Variants in PTPRD observed in about 807,000 individuals in gnomAD.
The protein encoded by PTPRD is receptor-type tyrosine-protein phosphatase delta.
PTPRD carries 34 observed loss-of-function variants against 214.5 expected under a neutral mutation model. That is an observed-to-expected ratio of 0.16 (90% CI 0.12 to 0.21). The LOEUF is 0.21. PTPRD is among the 10% of genes least tolerant of loss of function. The pLI is 1.00. For synonymous variants in PTPRD, 1,128 were observed against 845.7 expected (o/e 1.33, Z -5.79); for missense variants, 2,545 against 2,398.7 (o/e 1.06, Z -1.27).
chr9:10,448,408 G>A (rs1005592958), intron 2 of PTPRD, among the ~76,000 whole-genome samples: 1 of 151,846 alleles, frequency 6.6e-6, no homozygotes, highest in African/African-American at 2.4e-5. Context: ...GGCTCCAATG[G>A]CTCCTGCCCT....
chr9:10,274,357 A>T (rs1313421177), intron 3 of PTPRD, among the ~76,000 whole-genome samples: 9 of 152,188 alleles, frequency 5.9e-5, no homozygotes, highest in Non-Finnish European at 1.2e-4. Context: ...GCAGTTGGAC[A>T]CTAACCAGAA....
Position 10,405,938 on chromosome 9 carries a change from T to G in PTPRD, c.-599-64921A>C, listed in dbSNP as rs996151304. Among the ~76,000 whole-genome samples the G allele has an allele frequency of 9.9e-5, 15 of 151,554 alleles. 1 individual carries two copies. The highest frequency in any genetic ancestry group is 5.9e-4 in the Admixed American group (9 of 15,148). Reference sequence around the variant, plus strand: ...TCAAGTGTTGAGTTCTACAGCATATTAATGCTCTTAAACTATATCAATGTA... The same window carrying G: ...TCAAGTGTTGAGTTCTACAGCATATGAATGCTCTTAAACTATATCAATGTA... On this transcript the variant is annotated intron_variant, in intron 2 of 45. Transcript: ENST00000381196.
chr9:9,279,752 C>T (rs1569567024), intron 9 of PTPRD, among the ~76,000 whole-genome samples: 1 of 150,980 alleles, frequency 6.6e-6, no homozygotes, highest in East Asian at 2.0e-4. Context: ...GGAGTAACTA[C>T]AAATAAGAGC....
At chr9:8,714,486 C>A (rs1483533038) in intron 12 of PTPRD, among the ~76,000 whole-genome samples, 2 of 152,134 alleles carry the variant, frequency 1.3e-5, no homozygotes, top group Non-Finnish European at 2.9e-5. Context: ...GGAAGCCTGA[C>A]CTCCAGATAG....
intron 7 of PTPRD, among the ~76,000 whole-genome samples, chr9:9,593,204 T>G (rs534939494): frequency 4.6e-4 from 70 of 151,840 alleles, no homozygotes; most frequent in African/African-American, 1.7e-3. Flanking sequence ...TTGTTTTTTT[T>G]TTGTTTTTGT....
At chr9:8,921,022 C>T (rs1263364475) in intron 11 of PTPRD, among the ~76,000 whole-genome samples, 1 of 152,164 alleles carries the variant, frequency 6.6e-6, no homozygotes, top group East Asian at 1.9e-4. Context: ...CCATGTTGGC[C>T]AGGCTGGTCT....
chr9:10,103,426 A>T (rs72694857), intron 3 of PTPRD, among the ~76,000 whole-genome samples: 7,163 of 127,968 alleles, frequency 0.056, 255 homozygotes, highest in Admixed American at 0.12. Flanking sequence ...AGAAAACTTT[A>T]AAAATGAATA....
At chr9:10,393,663 G>A (rs1439421906) in intron 2 of PTPRD, among the ~76,000 whole-genome samples, 2 of 146,376 alleles carry the variant, frequency 1.4e-5, no homozygotes, top group Admixed American at 6.9e-5. Context: ...GAGAGAGAGA[G>A]AGAGACACTC....
At chr9:10,037,591 A>T (rs2097209270) in intron 3 of PTPRD, among the ~76,000 whole-genome samples, 1 of 151,930 alleles carries the variant, frequency 6.6e-6, no homozygotes, top group African/African-American at 2.4e-5. Flanking sequence ...AAAAAAAAAA[A>T]AAAAAAAACA....
intron 3 of PTPRD, among the ~76,000 whole-genome samples, chr9:10,056,451 A>C: frequency 6.6e-6 from 1 of 152,136 alleles, no homozygotes; most frequent in Non-Finnish European, 1.5e-5. Context: ...AAAGAAAAAA[A>C]AAAACTATTG....
At chr9:9,912,001 T>G (rs897908279) in intron 5 of PTPRD, among the ~76,000 whole-genome samples, 5 of 152,078 alleles carry the variant, frequency 3.3e-5, no homozygotes, top group Non-Finnish European at 7.4e-5. Context: ...AATGTTTATT[T>G]ATTAATTTGA....
At chr9:10,504,110 T>G (rs1312668326) in intron 2 of PTPRD, among the ~76,000 whole-genome samples, 1 of 8,826 alleles carries the variant, frequency 1.1e-4, no homozygotes, top group Non-Finnish European at 2.8e-4. Flanking sequence ...AGCGAGACTC[T>G]GTCTCAAAAA....
At chr9:9,001,964 AC>A (rs1292627626) in intron 11 of PTPRD, among the ~76,000 whole-genome samples, 6 of 117,450 alleles carry the variant, frequency 5.1e-5, no homozygotes, top group Non-Finnish European at 9.8e-5. Context: ...GATTACTACC[AC>A]TAGCTCCCTG....
At chr9:9,714,941 T>C (rs1327295585) in intron 7 of PTPRD, among the ~76,000 whole-genome samples, 1 of 152,206 alleles carries the variant, frequency 6.6e-6, no homozygotes, top group East Asian at 1.9e-4. Flanking sequence ...TAGTATATTA[T>C]GTTTTTTATT....
chr9:10,277,184 C>CAACATAAACGTAAAACATA (rs2094750210), intron 3 of PTPRD, among the ~76,000 whole-genome samples: 1 of 133,802 alleles, frequency 7.5e-6, no homozygotes. Context: ...AGTAAAAAAA[C>CAACATAAACGTAAAACATA]AACATAAACA....
intron 2 of PTPRD, among the ~76,000 whole-genome samples, chr9:10,528,539 T>C (rs2055068798): frequency 6.6e-6 from 1 of 152,180 alleles, no homozygotes; most frequent in Non-Finnish European, 1.5e-5. Flanking sequence ...TTAAAATATA[T>C]ACAAAATATG....
rs148630929 is a variant in PTPRD, at chr9:10,248,181, G to A, written c.-545+92782C>T. Among the ~76,000 whole-genome samples, 218 of 152,158 alleles carry A rather than the reference G, an allele frequency of 1.4e-3. 2 individuals are homozygous for A. The Middle Eastern group carries it at 0.017, about 12-fold the overall frequency. On this transcript the variant is annotated intron_variant, in intron 3 of 45. Coordinates refer to ENST00000381196, the MANE Select transcript of PTPRD (RefSeq NM_002839.4). ...TCTCAGGTATGTCTTTATCAGCAGC[G>A]TGGAAACGGACTAATACATACAGAG...
chr9:9,449,350 C>A (rs1284552657), intron 8 of PTPRD, among the ~76,000 whole-genome samples: 3 of 152,012 alleles, frequency 2.0e-5, no homozygotes, highest in Admixed American at 2.0e-4. Flanking sequence ...ATGAATAAGG[C>A]AATTCTCCAT....
intron 7 of PTPRD, among the ~76,000 whole-genome samples, chr9:9,583,273 T>G (rs2091231310): frequency 6.6e-6 from 1 of 152,054 alleles, no homozygotes. Flanking sequence ...AATTTATGTC[T>G]CTTAACTGAA....
Sources: gnomAD v4.1 joint callset for allele counts (sites outside exome capture counted in the v4.1 genomes callset) on GRCh38, gnomAD v4.1.1 for gene constraint, MANE v1.5 for transcripts, NCBI Gene and HGNC (gene_info 2026-07-23, HGNC 2026-07-21) for gene names.